MYCBP2: variants seen among roughly 807,000 people sequenced by gnomAD.
MYCBP2 encodes the protein MYC binding protein 2.
Under a neutral mutation model 525.3 loss-of-function variants are expected in MYCBP2, and 120 were observed. That is an observed-to-expected ratio of 0.23 (90% CI 0.20 to 0.27). The LOEUF (loss-of-function observed/expected upper bound fraction) is 0.27. Among genes scored for constraint, MYCBP2 ranks in the 10% least tolerant of loss-of-function variants. MYCBP2 has a pLI of 1.00. For missense variants in MYCBP2, 4,149 were observed against 5,657.1 expected (o/e 0.73, Z 8.55); for synonymous variants, 1,894 against 1,955.8 (o/e 0.97, Z 0.83).
intron 50 of MYCBP2, 58 bp from the exon 51 acceptor site, chr13:77,140,221 A>C (rs2054392020): frequency 9.5e-7 from 1 of 1,052,082 alleles, no homozygotes; most frequent in African/African-American, 1.6e-5. Context: ...AGATCTTACA[A>C]GTAGCAAGAA....
chr13:77,314,843 G>A (rs1185504949), intron 1 of MYCBP2, among the ~76,000 whole-genome samples: 2 of 152,074 alleles, frequency 1.3e-5, no homozygotes, highest in Non-Finnish European at 2.9e-5. Flanking sequence ...TATGGATGAG[G>A]CTATGCGTGA....
intron 54 of MYCBP2, among the ~76,000 whole-genome samples, chr13:77,122,411 A>G (rs1362017450): frequency 1.3e-5 from 2 of 152,118 alleles, no homozygotes; most frequent in Admixed American, 1.3e-4. Flanking sequence ...TTAAAAGTCA[A>G]TAGTCCTTGG....
intron 1 of MYCBP2, among the ~76,000 whole-genome samples, chr13:77,310,180 A>C (rs2080000745): frequency 6.6e-6 from 1 of 152,206 alleles, no homozygotes; most frequent in Admixed American, 6.5e-5. Context: ...TTTTCAAATA[A>C]AGCAATACAG....
rs1158606291 is a variant in MYCBP2 at position 77,068,549 on chromosome 13, T to C, written c.12171+16A>G. The C allele has an allele frequency of 1.2e-6, 2 of 1,613,052 alleles. No individual in the cohort carries two copies. The highest frequency in any genetic ancestry group is 2.2e-5 in the South Asian group (2 of 91,008). On this transcript the variant is annotated intron_variant, in intron 70 of 82. Coordinates refer to ENST00000544440, the MANE Select transcript of MYCBP2 (RefSeq NM_015057.5). ...AGTAACAAAAGCAATGGAAAGGCTG[T>C]AGTGTGATCAGTCACCTGTCTCTGG... is the stretch of plus-strand genomic sequence containing the variant.
intron 69 of MYCBP2, 38 bp downstream of exon 69, chr13:77,070,593 C>T (rs778815212): frequency 7.0e-7 from 1 of 1,429,256 alleles, no homozygotes; most frequent in Admixed American, 1.7e-5. Flanking sequence ...CACACACACA[C>T]AAAACTAATG....
Position 77,156,131 on chromosome 13 carries a change from C to A in MYCBP2, c.6842G>T (p.Cys2281Phe), listed in dbSNP as rs752684069. 6.2e-7 allele frequency: 1 copy of A among 1,614,032 alleles called. No homozygotes were observed. The highest frequency in any genetic ancestry group is 1.1e-5 in the South Asian group (1 of 91,070). ...AACAGTTATGGTGGTAGGCCAACCA[C>A]AACGAATATCATCCTTATTCAGGAT... ...SLILNKDDIR[C>F]GWPTTITVQT... is the part of the protein sequence containing the mutation. The change falls in exon 46 of 83, where the codon TGT becomes TTT. Residue 2281 changes from cysteine to phenylalanine, a missense_variant. Physicochemically the swap from Cys to Phe is radical, Grantham distance 205. This residue lies in a region of MYCBP2 where 692 missense variants were observed against 852.7 expected (regional missense o/e 0.81). Transcript: ENST00000544440.
At chr13:77,315,666 A>G (rs2080840566) in intron 1 of MYCBP2, among the ~76,000 whole-genome samples, 1 of 152,172 alleles carries the variant, frequency 6.6e-6, no homozygotes, top group Non-Finnish European at 1.5e-5. Context: ...AGTCTGAGGC[A>G]GGTGGATCAC....
intron 38 of MYCBP2, 135 bp downstream of exon 38, chr13:77,171,357 T>C (rs1192452663): frequency 6.1e-6 from 5 of 822,358 alleles, no homozygotes; most frequent in Non-Finnish European, 9.4e-6. Context: ...CCAAAATTAA[T>C]CCATGGGTGG....
At chr13:77,188,073 C>CAAAAAA (rs745537934) in intron 30 of MYCBP2, among the ~76,000 whole-genome samples, 23 of 53,174 alleles carry the variant, frequency 4.3e-4, no homozygotes, top group Non-Finnish European at 7.8e-4. Flanking sequence ...TCTGCCTCAC[C>CAAAAAA]AAAAAAAAAA....
intron 46 of MYCBP2, among the ~76,000 whole-genome samples, chr13:77,155,313 C>T (rs1258965753): frequency 6.6e-6 from 1 of 152,078 alleles, no homozygotes; most frequent in Non-Finnish European, 1.5e-5. Flanking sequence ...AAATTAGCTA[C>T]CCAATGAGCA....
intron 18 of MYCBP2, among the ~76,000 whole-genome samples, chr13:77,227,723 T>C (rs915597259): frequency 1.3e-5 from 2 of 152,218 alleles, no homozygotes. Flanking sequence ...TGCCTAGTTA[T>C]AAGGTTTTAC....
At chr13:77,064,144 C>T (rs1212137056) in intron 73 of MYCBP2, among the ~76,000 whole-genome samples, 2 of 152,158 alleles carry the variant, frequency 1.3e-5, no homozygotes, top group Non-Finnish European at 2.9e-5. Flanking sequence ...CCTGACCCTG[C>T]CCTGGACAAG....
chr13:77,316,685 A>G (rs2080980364), intron 1 of MYCBP2, among the ~76,000 whole-genome samples: 1 of 144,750 alleles, frequency 6.9e-6, no homozygotes, highest in South Asian at 2.1e-4. Flanking sequence ...GGTAAAATTG[A>G]TATCAACAAC....
At chr13:77,134,205 T>A (rs2053371160) in intron 52 of MYCBP2, among the ~76,000 whole-genome samples, 1 of 152,032 alleles carries the variant, frequency 6.6e-6, no homozygotes, top group South Asian at 2.1e-4. Flanking sequence ...ACAAAGACTC[T>A]TAAGACATAA....
intron 80 of MYCBP2, among the ~76,000 whole-genome samples, chr13:77,052,704 G>A (rs1356746363): frequency 6.6e-6 from 1 of 152,134 alleles, no homozygotes; most frequent in African/African-American, 2.4e-5. Flanking sequence ...TAATAAATAT[G>A]CTTAGCAGTT....
chr13:77,082,673 T>G (rs1487504494), intron 63 of MYCBP2, among the ~76,000 whole-genome samples: 1 of 152,182 alleles, frequency 6.6e-6, no homozygotes, highest in Non-Finnish European at 1.5e-5. Context: ...TTCCCCAAGA[T>G]TCTTTTCAAG....
chr13:77,116,612 C>T (rs570598530), intron 55 of MYCBP2, among the ~76,000 whole-genome samples: 7 of 151,912 alleles, frequency 4.6e-5, no homozygotes, highest in Non-Finnish European at 1.0e-4. Flanking sequence ...ATTTCCATTG[C>T]TGGACTATAG....
At chr13:77,321,402 T>C (rs999236374) in intron 1 of MYCBP2, among the ~76,000 whole-genome samples, 7 of 152,246 alleles carry the variant, frequency 4.6e-5, no homozygotes, top group Non-Finnish European at 7.3e-5. Context: ...TTACTACCTA[T>C]GCACAAATAC....
At chr13:77,145,820 T>C (rs902330449) in intron 48 of MYCBP2, among the ~76,000 whole-genome samples, 7 of 151,786 alleles carry the variant, frequency 4.6e-5, no homozygotes, top group African/African-American at 1.5e-4. Context: ...CACAATTCAT[T>C]GGAAGGAGAA....
Sources: gnomAD v4.1 joint callset for allele counts (sites outside exome capture counted in the v4.1 genomes callset) on GRCh38, gnomAD v4.1.1 for gene constraint, gnomAD v4.1.1 regional missense constraint, MANE v1.5 for transcripts, NCBI Gene and HGNC (gene_info 2026-07-23, HGNC 2026-07-21) for gene names.